EYS: variants seen among roughly 807,000 people sequenced by gnomAD.
EYS encodes EGF-like photoreceptor maintenance factor, also known as protein eyes shut homolog.
EYS carries 250 observed loss-of-function variants against 282.1 expected under a neutral mutation model. That is an observed-to-expected ratio of 0.89 (90% CI 0.80 to 0.98). EYS has a LOEUF of 0.98. EYS is among the 50% of genes least tolerant of loss of function. The pLI is 0.00. For missense variants in EYS, 4,016 were observed against 3,709.0 expected (o/e 1.08, Z -2.15); for synonymous variants, 1,355 against 1,282.9 (o/e 1.06, Z -1.20).
intron 22 of EYS, among the ~76,000 whole-genome samples, chr6:64,649,752 T>C (rs373818764): frequency 6.6e-6 from 1 of 152,274 alleles, no homozygotes; most frequent in East Asian, 1.9e-4. Context: ...CAAATCAATG[T>C]CCAAGAGAAA....
intron 5 of EYS, among the ~76,000 whole-genome samples, chr6:65,417,539 T>C (rs1298314697): frequency 6.6e-6 from 1 of 152,028 alleles, no homozygotes; most frequent in Non-Finnish European, 1.5e-5. Flanking sequence ...TTTTTTTCTC[T>C]AAAGAAGCAG....
At chr6:64,808,123 C>A (rs1764493641) in intron 22 of EYS, among the ~76,000 whole-genome samples, 1 of 150,820 alleles carries the variant, frequency 6.6e-6, no homozygotes, top group Non-Finnish European at 1.5e-5. Context: ...CCTTTCCTTC[C>A]CTTCCCTTCC....
At chr6:65,211,994 A>G (rs1416982847) in intron 12 of EYS, among the ~76,000 whole-genome samples, 5 of 152,064 alleles carry the variant, frequency 3.3e-5, no homozygotes, top group South Asian at 2.1e-4. Context: ...AAAATTGAAC[A>G]CCACTGTGAT....
chr6:63,945,582 G>A (rs1391672094), intron 35 of EYS, among the ~76,000 whole-genome samples: 2 of 152,124 alleles, frequency 1.3e-5, no homozygotes, highest in Non-Finnish European at 2.9e-5. Context: ...AAAAGTACAT[G>A]CAAATATACT....
At chr6:65,192,135 T>C (rs551237900) in intron 12 of EYS, among the ~76,000 whole-genome samples, 5 of 151,896 alleles carry the variant, frequency 3.3e-5, no homozygotes, top group African/African-American at 1.2e-4. Context: ...GATTAAACTG[T>C]TTTTAATGAT....
At chr6:65,606,011 T>C (rs924014772) in intron 2 of EYS, among the ~76,000 whole-genome samples, 2 of 151,652 alleles carry the variant, frequency 1.3e-5, no homozygotes, top group African/African-American at 4.8e-5. Flanking sequence ...TGAGGAAATA[T>C]TTCACATCAG....
intron 35 of EYS, among the ~76,000 whole-genome samples, chr6:63,928,311 T>G (rs1472472291): frequency 6.6e-6 from 1 of 152,174 alleles, no homozygotes; most frequent in Non-Finnish European, 1.5e-5. Context: ...AAAAAGTACA[T>G]AATGCTATAC....
At chr6:65,048,412 C>A (rs1297515444) in intron 13 of EYS, among the ~76,000 whole-genome samples, 2 of 151,832 alleles carry the variant, frequency 1.3e-5, no homozygotes, top group Non-Finnish European at 2.9e-5. Context: ...TTAGGACTTT[C>A]TTACTACTTC....
chr6:64,390,236 A>G (rs1773070149), intron 28 of EYS, among the ~76,000 whole-genome samples: 1 of 152,136 alleles, frequency 6.6e-6, no homozygotes, highest in Admixed American at 6.5e-5. Context: ...TAGGTAAACA[A>G]AGCAGCCAGG....
chr6:65,280,475 C>T (rs1768186035), intron 12 of EYS, among the ~76,000 whole-genome samples: 1 of 151,906 alleles, frequency 6.6e-6, no homozygotes, highest in African/African-American at 2.4e-5. Flanking sequence ...ATTTGAGCAC[C>T]CTGACGTTTC....
intron 19 of EYS, among the ~76,000 whole-genome samples, chr6:64,849,743 T>C (rs892243165): frequency 6.6e-6 from 1 of 151,942 alleles, no homozygotes; most frequent in Non-Finnish European, 1.5e-5. Context: ...TGAGTGTTAA[T>C]CACAGGCCAC....
At chr6:65,659,951 G>A (rs1360574691) in intron 1 of EYS, among the ~76,000 whole-genome samples, 2 of 151,616 alleles carry the variant, frequency 1.3e-5, no homozygotes, top group African/African-American at 4.8e-5. Flanking sequence ...AAGTATGGAG[G>A]GTGTTCATGA....
chr6:64,748,324 G>A (rs1049008658), intron 22 of EYS, among the ~76,000 whole-genome samples: 18 of 152,162 alleles, frequency 1.2e-4, no homozygotes, highest in South Asian at 2.1e-4. Flanking sequence ...TGGCACCAGC[G>A]ACCAGCTTCA....
chr6:64,736,836 T>G (rs1772199423), intron 22 of EYS, among the ~76,000 whole-genome samples: 1 of 152,244 alleles, frequency 6.6e-6, no homozygotes, highest in South Asian at 2.1e-4. Context: ...AGACAGAGAA[T>G]AAGGTAATCA....
chr6:63,775,711 ATTC>A (rs1316695800), intron 40 of EYS, among the ~76,000 whole-genome samples: 8 of 152,306 alleles, frequency 5.3e-5, no homozygotes, highest in Non-Finnish European at 7.4e-5. Flanking sequence ...TAAAGGAGGT[ATTC>A]TTATATTGAG....
intron 12 of EYS, among the ~76,000 whole-genome samples, chr6:65,284,173 G>T (rs10455573): frequency 1.3e-5 from 2 of 151,970 alleles, no homozygotes; most frequent in South Asian, 4.1e-4. Context: ...TGTACACTGC[G>T]CAATGCCCTA....
Position 64,818,500 on chromosome 6 carries a change from T to G in EYS, c.3243+3145A>C, listed in dbSNP as rs1203835124. ...GTCCTACAATAGGCCGTCTGCAAGG[T>G]GAGGAGCAAGGAAGCCAGTCCGAGT... On this transcript the variant is annotated intron_variant, in intron 21 of 42. Transcript: ENST00000503581. 2.0e-5 allele frequency among the ~76,000 whole-genome samples: 3 copies of G among 151,936 alleles called. No individual in the cohort carries two copies. In the East Asian group the frequency reaches 5.8e-4, roughly 29 times the overall value.
chr6:65,468,847 T>G (rs1453468980), intron 5 of EYS, among the ~76,000 whole-genome samples: 1 of 152,124 alleles, frequency 6.6e-6, no homozygotes, highest in East Asian at 1.9e-4. Flanking sequence ...CATTCATTTC[T>G]GTGAAGGATA....
At chr6:65,647,736 C>T (rs1351359629) in intron 1 of EYS, among the ~76,000 whole-genome samples, 1 of 151,948 alleles carries the variant, frequency 6.6e-6, no homozygotes, top group Admixed American at 6.6e-5. Flanking sequence ...AACAGACAAC[C>T]CAGTAATTGG....
Sources: gnomAD v4.1 joint callset for allele counts (sites outside exome capture counted in the v4.1 genomes callset) on GRCh38, gnomAD v4.1.1 for gene constraint, MANE v1.5 for transcripts, NCBI Gene and HGNC (gene_info 2026-07-23, HGNC 2026-07-21) for gene names.